AGTR1: variants seen among roughly 807,000 people sequenced by gnomAD.
AGTR1 encodes angiotensin II receptor type 1.
AGTR1 carries 16 observed loss-of-function variants against 19.4 expected under a neutral mutation model. The observed-to-expected ratio is 0.82, with a 90% CI of 0.56 to 1.25. The LOEUF (loss-of-function observed/expected upper bound fraction) is 1.25, where lower values mean the gene tolerates loss of function less well. AGTR1 is among the 50% of genes most tolerant of loss of function. The pLI, the probability that AGTR1 is intolerant of heterozygous loss-of-function variation, is 0.00. For synonymous variants in AGTR1, 153 were observed against 154.9 expected, an observed-to-expected ratio of 0.99 and a Z score of 0.09; for missense variants, 373 against 431.9, an observed-to-expected ratio of 0.86 and a Z score of 1.21.
In AGTR1 at chr3:148,741,928, A is replaced by G. The variant is rs368951368; in HGVS notation, c.893A>G (p.Asn298Ser). ...ICIAYFNNCLNPLFYGFLGKK... is the reference protein window; with the variant it reads ...ICIAYFNNCLSPLFYGFLGKK... ...ATAGCTTATTTTAACAATTGCCTGA[A>G]TCCTCTTTTTTATGGCTTTCTGGGG... The change falls in exon 3 of 3, where the codon AAT becomes AGT. Residue 298 changes from asparagine (N) to serine (S), a missense_variant. Coordinates refer to ENST00000349243, the MANE Select transcript of AGTR1 (RefSeq NM_000685.5). The G allele has an allele frequency of 1.2e-4, 194 of 1,613,968 alleles. No individual in the cohort carries two copies. The highest frequency in any genetic ancestry group is 6.6e-4 in the Middle Eastern group (4 of 6,084).
intron 2 of AGTR1, among the ~76,000 whole-genome samples, chr3:148,718,869 A>C (rs1006998941): frequency 6.6e-6 from 1 of 152,214 alleles, no homozygotes; most frequent in Admixed American, 6.5e-5. Context: ...TATTTTGCAT[A>C]GGCATTTTGA....
chr3:148,741,777 T>C lies in AGTR1; in HGVS notation c.742T>C (p.Phe248Leu), dbSNP rs541786585. Residue 248 changes from phenylalanine (F) to leucine (L), a missense_variant, in exon 3 of 3, where the codon TTC becomes CTC. By Grantham distance (22) the Phe-to-Leu change is conservative. Transcript: ENST00000349243. ...TAAGATAATTATGGCAATTGTGCTT[T>C]TCTTTTTCTTTTCCTGGATTCCCCA... ...IFKIIMAIVL[F>L]FFFSWIPHQI... 30 of 1,613,276 alleles carry C rather than the reference T, an allele frequency of 1.9e-5. 1 individual carries two copies. The South Asian group carries it at 3.2e-4, about 17-fold the overall frequency.
intron 2 of AGTR1, among the ~76,000 whole-genome samples, chr3:148,726,288 A>G (rs560093565): frequency 6.6e-6 from 1 of 151,940 alleles, no homozygotes; most frequent in East Asian, 1.9e-4. Context: ...AGCTCACTGC[A>G]ACTTCCACCT....
Position 148,740,266 on chromosome 3 carries a change from C to T in AGTR1, c.-47-723C>T, listed in dbSNP as rs116227531. On this transcript the variant is annotated intron_variant, in intron 2 of 2. Transcript: ENST00000349243. ...AAATGGTTAACCACAGAGTTAACTT[C>T]AGAAATGGCTGGCAGGTATGAAGGT... Among the ~76,000 whole-genome samples, 209 of 152,256 alleles carry T rather than the reference C, an allele frequency of 1.4e-3. 2 individuals carry two copies. Among genetic ancestry groups the T allele is most frequent in the African/African-American group, 4.4e-3 (184 of 41,546 alleles).
chr3:148,702,739 C>T (rs1712421315), intron 1 of AGTR1, among the ~76,000 whole-genome samples: 1 of 152,202 alleles, frequency 6.6e-6, no homozygotes, highest in African/African-American at 2.4e-5. Context: ...TGGCACCTAA[C>T]GCATCCTTGT....
chr3:148,727,759 C>A (rs1714037019), intron 2 of AGTR1, among the ~76,000 whole-genome samples: 1 of 152,096 alleles, frequency 6.6e-6, no homozygotes, highest in Non-Finnish European at 1.5e-5. Context: ...CTGTAGTTTT[C>A]CCCGGAAGAT....
At position 148,742,036 on chromosome 3, in the gene AGTR1, T is replaced by G. The variant is rs1182686592; in HGVS notation, c.1001T>G (p.Met334Arg). 2 of 1,613,836 alleles carry G rather than the reference T, an allele frequency of 1.2e-6. No homozygotes were observed. Among genetic ancestry groups the G allele is most frequent in the Non-Finnish European group, 1.7e-6 (2 of 1,179,996 alleles). Reference protein sequence around the residue: ...AKSHSNLSTKMSTLSYRPSDN... With the variant: ...AKSHSNLSTKRSTLSYRPSDN... ...TCCCACTCAAACCTTTCAACAAAAA[T>G]GAGCACGCTTTCCTACCGCCCCTCA... is the stretch of plus-strand genomic sequence containing the variant. Residue 334 changes from methionine (M) to arginine (R), a missense_variant, in exon 3 of 3, where the codon ATG (methionine) becomes AGG (arginine). By Grantham distance (91) the Met-to-Arg change is moderately conservative. Transcript: ENST00000349243.
At chr3:148,739,271 A>G (rs1714739912) in intron 2 of AGTR1, among the ~76,000 whole-genome samples, 1 of 152,078 alleles carries the variant, frequency 6.6e-6, no homozygotes, top group Non-Finnish European at 1.5e-5. Context: ...AGGCATGAGA[A>G]TCACTTGAAC....
chr3:148,699,901 T>G (rs542534948), intron 1 of AGTR1, among the ~76,000 whole-genome samples: 2 of 152,308 alleles, frequency 1.3e-5, no homozygotes, highest in Admixed American at 6.5e-5. Flanking sequence ...GAATCAACTC[T>G]TCCATCATCC....
chr3:148,718,269 C>G (rs1559926191), intron 2 of AGTR1, among the ~76,000 whole-genome samples: 1 of 152,196 alleles, frequency 6.6e-6, no homozygotes, highest in South Asian at 2.1e-4. Flanking sequence ...ATGCAATACT[C>G]AGTAAATTAC....
chr3:148,704,409 T>C (rs1180375473), intron 1 of AGTR1, among the ~76,000 whole-genome samples: 2 of 152,094 alleles, frequency 1.3e-5, no homozygotes, highest in Non-Finnish European at 2.9e-5. Flanking sequence ...TCTCTATTTT[T>C]TCCCATAAAA....
At chr3:148,701,730 C>T (rs950854025) in intron 1 of AGTR1, among the ~76,000 whole-genome samples, 1 of 152,070 alleles carries the variant, frequency 6.6e-6, no homozygotes, top group Admixed American at 6.6e-5. Flanking sequence ...GCCTTGTTTC[C>T]TATTATTACA....
chr3:148,704,031 G>A (rs1712512435), intron 1 of AGTR1, among the ~76,000 whole-genome samples: 1 of 151,868 alleles, frequency 6.6e-6, no homozygotes, highest in Non-Finnish European at 1.5e-5. Context: ...CTTCAATAAA[G>A]CTTTTTAAAA....
intron 2 of AGTR1, chr3:148,731,558 A>C (rs1029240722): frequency 1.3e-5 from 2 of 152,224 alleles, no homozygotes; most frequent in Non-Finnish European, 2.9e-5. Context: ...TAGAACAATT[A>C]TATTTTTAAA....
intron 2 of AGTR1, among the ~76,000 whole-genome samples, chr3:148,708,929 T>C (rs12721314): frequency 3.9e-4 from 59 of 152,284 alleles, no homozygotes; most frequent in African/African-American, 1.3e-3. Context: ...GGTGGGTAGA[T>C]AAATATTAGA....
intron 1 of AGTR1, among the ~76,000 whole-genome samples, chr3:148,699,435 A>G (rs892528057): frequency 6.6e-6 from 1 of 152,030 alleles, no homozygotes; most frequent in African/African-American, 2.4e-5. Flanking sequence ...TAAAGGCCCC[A>G]CCTGCATAAC....
At chr3:148,731,789 T>C (rs1559930496) in intron 2 of AGTR1, among the ~76,000 whole-genome samples, 5 of 152,224 alleles carry the variant, frequency 3.3e-5, no homozygotes, top group Admixed American at 3.3e-4. Flanking sequence ...TGTTCTGCTC[T>C]TCCTCAATTT....
At chr3:148,708,554 A>G (rs1288849018) in intron 2 of AGTR1, among the ~76,000 whole-genome samples, 3 of 152,168 alleles carry the variant, frequency 2.0e-5, no homozygotes, top group African/African-American at 7.2e-5. Context: ...ATGATGAGAT[A>G]TAGGAAAAAA....
At chr3:148,704,422 C>T (rs1054516414) in intron 1 of AGTR1, among the ~76,000 whole-genome samples, 3 of 151,776 alleles carry the variant, frequency 2.0e-5, no homozygotes, top group Admixed American at 6.6e-5. Flanking sequence ...CCATAAAAAT[C>T]CAAAATTTTC....
Sources: gnomAD v4.1 joint callset for allele counts (sites outside exome capture counted in the v4.1 genomes callset) on GRCh38, gnomAD v4.1.1 for gene constraint, MANE v1.5 for transcripts, NCBI Gene and HGNC (gene_info 2026-07-23, HGNC 2026-07-21) for gene names.